The following LINGO2 variants were observed in gnomAD, a reference collection of about 807,000 sequenced individuals.
LINGO2 encodes the protein leucine rich repeat and Ig domain containing 2.
In LINGO2, 14 loss-of-function variants were observed where a neutral mutation model predicts 30.6. The observed-to-expected ratio is 0.46, with a 90% CI of 0.30 to 0.72. LINGO2 has a LOEUF of 0.72. Ranked by LOEUF, LINGO2 falls within the 30% of genes least tolerant of loss-of-function variation. The probability of loss-of-function intolerance (pLI) is 0.07; values close to 1 mark genes in which losing one functional copy is unlikely to be tolerated. For synonymous variants in LINGO2, 317 were observed against 288.5 expected, an observed-to-expected ratio of 1.10 and a Z score of -1.00; for missense variants, 729 against 751.7, an observed-to-expected ratio of 0.97 and a Z score of 0.35.
chr9:28,540,553 C>CA (rs1821645172), intron 1 of LINGO2, among the ~76,000 whole-genome samples: 2 of 152,114 alleles, frequency 1.3e-5, no homozygotes, highest in African/African-American at 4.8e-5. Context: ...TGAACCACCA[C>CA]ACTTGGCCCA....
At chr9:28,647,640 T>C (rs1301853766) in intron 1 of LINGO2, among the ~76,000 whole-genome samples, 1 of 152,124 alleles carries the variant, frequency 6.6e-6, no homozygotes, top group African/African-American at 2.4e-5. Context: ...ACAGATGTAC[T>C]AAAATTTCAC....
At chr9:28,336,865 TA>T (rs1178087758) in intron 3 of LINGO2, among the ~76,000 whole-genome samples, 1 of 151,864 alleles carries the variant, frequency 6.6e-6, no homozygotes, top group Non-Finnish European at 1.5e-5. Context: ...ATACTTTTTT[TA>T]AATAAAAATT....
At chr9:27,961,415 A>C (rs1343167971) in intron 5 of LINGO2, among the ~76,000 whole-genome samples, 1 of 152,174 alleles carries the variant, frequency 6.6e-6, no homozygotes, top group African/African-American at 2.4e-5. Flanking sequence ...AGAGAGGTAC[A>C]GACATAGCGA....
chr9:28,846,388 T>TAAATAAATTAATAAATTATTTAGAATA, the LINGO2 span, among the ~76,000 whole-genome samples: 11 of 149,650 alleles, frequency 7.4e-5, no homozygotes, highest in Admixed American at 2.0e-4. Context: ...TTTAGAATGC[T>TAAATAAATTAATAAATTATTTAGAATA]TTTGCCATAA....
chr9:28,985,023 C>T, the LINGO2 span, among the ~76,000 whole-genome samples: 1 of 152,078 alleles, frequency 6.6e-6, no homozygotes, highest in African/African-American at 2.4e-5. Context: ...TATCTCCCCA[C>T]TGCCTCCATC....
At chr9:29,086,728 A>T in the LINGO2 span, among the ~76,000 whole-genome samples, 1 of 152,202 alleles carries the variant, frequency 6.6e-6, no homozygotes, top group Non-Finnish European at 1.5e-5. Context: ...TCTCAGACAC[A>T]GATAAGATAT....
intron 4 of LINGO2, among the ~76,000 whole-genome samples, chr9:28,211,132 C>A (rs1442637014): frequency 6.6e-6 from 1 of 151,468 alleles, no homozygotes; most frequent in Non-Finnish European, 1.5e-5. Context: ...CAAATATGTA[C>A]AGGCTAAATA....
At chr9:28,962,542 A>T in the LINGO2 span, among the ~76,000 whole-genome samples, 18 of 151,938 alleles carry the variant, frequency 1.2e-4, no homozygotes, top group African/African-American at 4.3e-4. Context: ...CTCTTTCTTT[A>T]TAATGTACTG....
chr9:28,704,819 T>G, the LINGO2 span, among the ~76,000 whole-genome samples: 1 of 152,098 alleles, frequency 6.6e-6, no homozygotes, highest in Non-Finnish European at 1.5e-5. Flanking sequence ...GTCTTAATGT[T>G]GTTCTTTAGG....
chr9:29,097,071 T>C, the LINGO2 span, among the ~76,000 whole-genome samples: 9 of 139,310 alleles, frequency 6.5e-5, 1 homozygote, highest in African/African-American at 2.4e-4. Flanking sequence ...AAGGTATCTA[T>C]AGCATAGAAA....
intron 4 of LINGO2, among the ~76,000 whole-genome samples, chr9:28,149,752 C>T (rs561685941): frequency 6.0e-5 from 9 of 150,804 alleles, no homozygotes; most frequent in Middle Eastern, 3.4e-3. Context: ...AGCTGCCCAC[C>T]GTCTGGGAAT....
chr9:29,191,544 C>T, the LINGO2 span, among the ~76,000 whole-genome samples: 8 of 151,922 alleles, frequency 5.3e-5, no homozygotes, highest in African/African-American at 1.9e-4. Flanking sequence ...GATCTGGGTG[C>T]TAATTATTAT....
At chr9:29,187,708 A>G in the LINGO2 span, among the ~76,000 whole-genome samples, 1 of 151,432 alleles carries the variant, frequency 6.6e-6, no homozygotes, top group East Asian at 1.9e-4. Flanking sequence ...AATTAATCCT[A>G]TCTCATTTGC....
the LINGO2 span, among the ~76,000 whole-genome samples, chr9:28,937,899 A>G: frequency 1.3e-5 from 2 of 152,132 alleles, no homozygotes; most frequent in African/African-American, 2.4e-5. Context: ...TATTAATCCT[A>G]GGACCCACTG....
the LINGO2 span, among the ~76,000 whole-genome samples, chr9:29,099,936 T>C: frequency 1.3e-5 from 2 of 152,166 alleles, no homozygotes; most frequent in African/African-American, 2.4e-5. Flanking sequence ...CACTCCCATA[T>C]TCATTGCAGC....
chr9:29,039,055 G>T, the LINGO2 span, among the ~76,000 whole-genome samples: 2 of 152,082 alleles, frequency 1.3e-5, no homozygotes, highest in African/African-American at 4.8e-5. Flanking sequence ...GTCTTTTCAG[G>T]TTGATCTAAA....
intron 1 of LINGO2, among the ~76,000 whole-genome samples, chr9:28,490,669 C>G (rs145598081): frequency 6.6e-6 from 1 of 152,012 alleles, no homozygotes; most frequent in African/African-American, 2.4e-5. Context: ...ACCTAATGGC[C>G]AATATAAACC....
the LINGO2 span, among the ~76,000 whole-genome samples, chr9:28,850,437 A>T: frequency 6.6e-6 from 1 of 151,638 alleles, no homozygotes; most frequent in African/African-American, 2.4e-5. Flanking sequence ...TTATTTGGCA[A>T]CCTCTGCCTG....
At chr9:28,742,968 A>G in the LINGO2 span, among the ~76,000 whole-genome samples, 9 of 151,964 alleles carry the variant, frequency 5.9e-5, no homozygotes, top group African/African-American at 2.2e-4. Context: ...AGAAACATGC[A>G]ATTATATAAT....
Sources: allele counts gnomAD v4.1 joint callset (sites outside exome capture counted in the v4.1 genomes callset), GRCh38; gene constraint gnomAD v4.1.1; transcripts MANE v1.5; gene names NCBI Gene and HGNC (gene_info 2026-07-23, HGNC 2026-07-21).